PPTC7: variants seen among roughly 807,000 people sequenced by gnomAD.
PPTC7 encodes the protein protein phosphatase PTC7 homolog.
A neutral mutation model predicts 30.8 loss-of-function variants in PPTC7; 6 were observed. The ratio of observed to expected loss-of-function variants is 0.19; its 90% CI spans 0.11 to 0.38. The LOEUF is 0.38. Among genes scored for constraint, PPTC7 ranks in the 10% least tolerant of loss-of-function variants. The pLI, the probability that PPTC7 is intolerant of heterozygous loss-of-function variation, is 1.00. For missense variants in PPTC7, 218 were observed against 404.8 expected (o/e 0.54, Z 3.96); for synonymous variants, 163 against 168.1 (o/e 0.97, Z 0.23).
intron 1 of PPTC7, among the ~76,000 whole-genome samples, chr12:110,553,890 G>A (rs188597702): frequency 1.2e-4 from 18 of 152,186 alleles, no homozygotes; most frequent in African/African-American, 3.1e-4. Flanking sequence ...ACAGAGTCTC[G>A]CTCTGTCGCC....
intron 2 of PPTC7, among the ~76,000 whole-genome samples, chr12:110,549,608 G>A (rs1389851107): frequency 6.6e-6 from 1 of 152,056 alleles, no homozygotes; most frequent in Non-Finnish European, 1.5e-5. Context: ...AATATTCAAT[G>A]TAAGAAAATA....
At chr12:110,547,268 G>C (rs928476459) in intron 2 of PPTC7, among the ~76,000 whole-genome samples, 7 of 152,174 alleles carry the variant, frequency 4.6e-5, no homozygotes, top group African/African-American at 1.7e-4. Flanking sequence ...AGGAGTACAG[G>C]CTCTGGAGTC....
At chr12:110,574,735 A>C (rs911954603) in intron 1 of PPTC7, among the ~76,000 whole-genome samples, 6 of 152,098 alleles carry the variant, frequency 3.9e-5, no homozygotes, top group African/African-American at 1.4e-4. Context: ...GTTAGGAAAC[A>C]AATTATTTTA....
At chr12:110,550,309 C>A (rs2064340838) in intron 2 of PPTC7, among the ~76,000 whole-genome samples, 1 of 146,158 alleles carries the variant, frequency 6.8e-6, no homozygotes. Context: ...TGGCTCACTG[C>A]AAGCTCCGCC....
At chr12:110,548,239 C>T (rs555620359) in intron 2 of PPTC7, among the ~76,000 whole-genome samples, 5 of 152,184 alleles carry the variant, frequency 3.3e-5, no homozygotes, top group African/African-American at 1.2e-4. Context: ...GAAAAAAAAT[C>T]TGAAAGCATA....
chr12:110,583,020 G>A lies in PPTC7; in HGVS notation c.12C>T (p.Val4=). The A allele has an allele frequency of 2.1e-6, 3 of 1,427,448 alleles. No homozygotes were observed. Among genetic ancestry groups the A allele is most frequent in the Non-Finnish European group, 2.7e-6 (3 of 1,099,852 alleles). 88.4% of individuals were successfully genotyped at this position (1,427,448 alleles called of 1,614,324 possible). ...GGGCCACCAGCCGCCCGTACGAGAG[G>A]ACCGAGAACATCGCCGCCGCCGCCC... is the stretch of plus-strand genomic sequence containing the variant. MFS[V]LSYGRLVARA... Residue 4 remains valine (V), a synonymous_variant, in exon 1 of 6, where the codon GTC becomes GTT. Transcript: ENST00000354300.
chr12:110,545,382 C>A (rs140751922), intron 3 of PPTC7, among the ~76,000 whole-genome samples: 1 of 152,174 alleles, frequency 6.6e-6, no homozygotes, highest in African/African-American at 2.4e-5. Context: ...CGTGAGTCAC[C>A]GTGCCCAGTC....
chr12:110,568,373 C>T (rs1370369277), intron 1 of PPTC7, among the ~76,000 whole-genome samples: 1 of 151,980 alleles, frequency 6.6e-6, no homozygotes, highest in African/African-American at 2.4e-5. Context: ...CTGCCTCAGC[C>T]TCCTGAGTAG....
rs139420012 is a variant in PPTC7, at chr12:110,534,921, T to C, written c.*2116A>G. The C allele has an allele frequency of 1.3e-5, 2 of 152,714 alleles. No individual in the cohort carries two copies. Among genetic ancestry groups the C allele is most frequent in the African/African-American group, 2.4e-5 (1 of 41,554 alleles). 9.5% of individuals were successfully genotyped at this position (152,714 alleles called of 1,614,324 possible). ...TCTTACCAGGAATTAAATGTAGGCG[T>C]TGGAAAATGAATGCAAAATATATCC... On this transcript the variant is annotated 3_prime_UTR_variant, in exon 6 of 6. Transcript: ENST00000354300.
At chr12:110,555,855 T>C (rs1480798603) in intron 1 of PPTC7, among the ~76,000 whole-genome samples, 1 of 152,204 alleles carries the variant, frequency 6.6e-6, no homozygotes, top group Non-Finnish European at 1.5e-5. Context: ...AGGAGTAAGA[T>C]TTCACCATAA....
intron 2 of PPTC7, among the ~76,000 whole-genome samples, chr12:110,547,967 C>T (rs1428672659): frequency 6.6e-6 from 1 of 152,012 alleles, no homozygotes; most frequent in East Asian, 1.9e-4. Context: ...ATTAGCTGGA[C>T]GTGGTGGTGC....
At chr12:110,571,513 A>T (rs186099186) in intron 1 of PPTC7, among the ~76,000 whole-genome samples, 1,568 of 152,274 alleles carry the variant, frequency 0.01, 7 homozygotes, top group South Asian at 0.021. Flanking sequence ...CAAGGAAAAA[A>T]TCCCAGATGT....
At chr12:110,560,751 C>CA (rs1427677318) in intron 1 of PPTC7, among the ~76,000 whole-genome samples, 1 of 152,110 alleles carries the variant, frequency 6.6e-6, no homozygotes, top group Non-Finnish European at 1.5e-5. Context: ...TGATTTTGTC[C>CA]AAAAATGTAT....
At chr12:110,549,654 T>A (rs1043830828) in intron 2 of PPTC7, among the ~76,000 whole-genome samples, 1 of 152,170 alleles carries the variant, frequency 6.6e-6, no homozygotes, top group Non-Finnish European at 1.5e-5. Context: ...ATGTATTTTA[T>A]TAATATCTCC....
At chr12:110,538,971 A>G (rs2064237629) in intron 4 of PPTC7, among the ~76,000 whole-genome samples, 1 of 152,110 alleles carries the variant, frequency 6.6e-6, no homozygotes, top group African/African-American at 2.4e-5. Context: ...GTATTTATCT[A>G]TTTTCCTCCA....
At chr12:110,545,257 T>C (rs551856926) in intron 3 of PPTC7, among the ~76,000 whole-genome samples, 1 of 152,196 alleles carries the variant, frequency 6.6e-6, no homozygotes, top group Non-Finnish European at 1.5e-5. Context: ...CACGCCCAGC[T>C]AATTTTTGCA....
intron 3 of PPTC7, among the ~76,000 whole-genome samples, chr12:110,540,321 C>CCCCCCT (rs377082561): frequency 1.0e-4 from 11 of 105,012 alleles, no homozygotes; most frequent in Non-Finnish European, 1.5e-4. Flanking sequence ...CCCCCCCCGC[C>CCCCCCT]TTTTTTTTTT....
At chr12:110,572,746 T>C (rs551721346) in intron 1 of PPTC7, among the ~76,000 whole-genome samples, 21 of 152,236 alleles carry the variant, frequency 1.4e-4, no homozygotes, top group Non-Finnish European at 2.8e-4. Flanking sequence ...CTAGTAAATT[T>C]ATAAATTCTT....
At chr12:110,571,975 C>G (rs2064540639) in intron 1 of PPTC7, among the ~76,000 whole-genome samples, 1 of 152,170 alleles carries the variant, frequency 6.6e-6, no homozygotes, top group African/African-American at 2.4e-5. Flanking sequence ...ATGGAAATAG[C>G]TTAAATCTTA....
Sources: allele counts gnomAD v4.1 joint callset (sites outside exome capture counted in the v4.1 genomes callset), GRCh38; gene constraint gnomAD v4.1.1; transcripts MANE v1.5; gene names NCBI Gene and HGNC (gene_info 2026-07-23, HGNC 2026-07-21).